HNRNPR: variants seen among roughly 807,000 people sequenced by gnomAD.
HNRNPR encodes heterogeneous nuclear ribonucleoprotein R.
HNRNPR carries 4 observed loss-of-function variants against 70.3 expected under a neutral mutation model. The observed-to-expected ratio is 0.06, with a 90% CI of 0.03 to 0.13. The LOEUF (loss-of-function observed/expected upper bound fraction) is 0.13, where lower values mean the gene tolerates loss of function less well. Among genes scored for constraint, HNRNPR ranks in the 10% least tolerant of loss-of-function variants. The probability of loss-of-function intolerance (pLI) is 1.00; values close to 1 mark genes in which losing one functional copy is unlikely to be tolerated. For missense variants in HNRNPR, 423 were observed against 788.5 expected (o/e 0.54, Z 5.55); for synonymous variants, 241 against 267.6 (o/e 0.90, Z 0.97).
At chr1:23,326,674 A>C (rs745661737) in intron 5 of HNRNPR, among the ~76,000 whole-genome samples, 1 of 152,112 alleles carries the variant, frequency 6.6e-6, no homozygotes, top group Non-Finnish European at 1.5e-5. Context: ...AATTCCAGCC[A>C]CTCGGGAGGC....
At chr1:23,342,385 AT>A (rs1311302386) in intron 1 of HNRNPR, among the ~76,000 whole-genome samples, 1 of 152,234 alleles carries the variant, frequency 6.6e-6, no homozygotes, top group Non-Finnish European at 1.5e-5. Flanking sequence ...TGAAAATGAG[AT>A]AAACATGACT....
At chr1:23,342,623 A>G (rs1174957360) in intron 1 of HNRNPR, among the ~76,000 whole-genome samples, 1 of 152,170 alleles carries the variant, frequency 6.6e-6, no homozygotes, top group Non-Finnish European at 1.5e-5. Context: ...CTAAAACACA[A>G]AATCTCCTTG....
At chr1:23,324,264 T>G (rs1308174448) in intron 5 of HNRNPR, among the ~76,000 whole-genome samples, 3 of 152,086 alleles carry the variant, frequency 2.0e-5, no homozygotes, top group Non-Finnish European at 4.4e-5. Context: ...CTCTAAAATC[T>G]TTACTACTTA....
intron 1 of HNRNPR, among the ~76,000 whole-genome samples, chr1:23,341,370 C>T (rs1646698710): frequency 6.6e-6 from 1 of 152,144 alleles, no homozygotes; most frequent in African/African-American, 2.4e-5. Flanking sequence ...CCTCAGCTCT[C>T]GGGTCTTACA....
chr1:23,323,882 C>T lies in HNRNPR; in HGVS notation c.499-150G>A. ...TGAAACTTACAGTTGACTTGCAGAG[C>T]TAATCCTAATTTTTATTATAATGAC... On this transcript the variant is annotated intron_variant, in intron 5 of 10. Coordinates refer to ENST00000302271, the MANE Select transcript of HNRNPR (RefSeq NM_005826.5). 7.6e-6 allele frequency: 5 copies of T among 658,726 alleles called. No individual in the cohort carries two copies. In the South Asian group the frequency reaches 9.4e-5, roughly 12 times the overall value. 40.8% of individuals were successfully genotyped at this position (658,726 alleles called of 1,614,324 possible).
Position 23,310,625 on chromosome 1 carries a change from C to G in HNRNPR, c.1731G>C (p.Gly577=), listed in dbSNP as rs1406680597. The G allele has an allele frequency of 1.2e-6, 2 of 1,614,126 alleles. No homozygotes were observed. The highest frequency in any genetic ancestry group is 4.5e-5 in the East Asian group (2 of 44,878). ...GNVGGKRKAD[G]YNQPDSKRRQ... is the part of the protein sequence containing the mutation. Reference sequence around the variant, plus strand: ...GACGCTTGGAATCAGGCTGGTTGTACCCATCTGCCTTTCTCTTGCCTCCTA... The same window carrying G: ...GACGCTTGGAATCAGGCTGGTTGTAGCCATCTGCCTTTCTCTTGCCTCCTA... Residue 577 remains glycine, a synonymous_variant, in exon 11 of 11, where the codon GGG becomes GGC. Transcript: ENST00000302271. This position sits in a 1 kb window ranked among gnomAD's most constrained non-coding sequence, Gnocchi z 6.0.
chr1:23,341,501 G>A (rs946416830), intron 1 of HNRNPR, among the ~76,000 whole-genome samples: 3 of 151,932 alleles, frequency 2.0e-5, no homozygotes, highest in Non-Finnish European at 1.5e-5. Flanking sequence ...TGAAATAAGT[G>A]CCCTGTTTTC....
chr1:23,319,972 C>T (rs746531550), intron 7 of HNRNPR, among the ~76,000 whole-genome samples: 2 of 152,210 alleles, frequency 1.3e-5, no homozygotes, highest in Non-Finnish European at 2.9e-5. Flanking sequence ...AGTAGCTATT[C>T]TCTAGCTAAA....
intron 8 of HNRNPR, among the ~76,000 whole-genome samples, chr1:23,316,186 T>A (rs1409397333): frequency 1.3e-5 from 2 of 152,170 alleles, no homozygotes; most frequent in East Asian, 3.9e-4. Flanking sequence ...CTGGATGGGG[T>A]TGCAAGCACC....
chr1:23,340,657 C>T (rs976044694), intron 2 of HNRNPR, among the ~76,000 whole-genome samples, 195 bp downstream of exon 2: 6 of 152,150 alleles, frequency 3.9e-5, no homozygotes, highest in African/African-American at 1.4e-4. Flanking sequence ...ATATTCAACA[C>T]TAAGAAGGCT....
chr1:23,323,663 G>C lies in HNRNPR; in HGVS notation c.568C>G (p.Pro190Ala). 1 of 1,613,988 alleles carries C rather than the reference G, an allele frequency of 6.2e-7. No individual in the cohort carries two copies. The highest frequency in any genetic ancestry group is 8.5e-7 in the Non-Finnish European group (1 of 1,179,906). The change falls in exon 6 of 11, where the codon CCC (proline) becomes GCC (alanine). Residue 190 changes from proline to alanine, a missense_variant. Physicochemically the swap from Pro to Ala is conservative, Grantham distance 27 (BLOSUM62 -1). This residue lies in a region of HNRNPR where 118 missense variants were observed against 239.3 expected (regional missense o/e 0.49). Coordinates refer to ENST00000302271, the MANE Select transcript of HNRNPR (RefSeq NM_005826.5). ...ATCATAAGACGTAGATCCCAAATGG[G>C]TCCGGCCTTCTCAAAAAGGGGCACC... ...ELVPLFEKAG[P>A]IWDLRLMMDP...
rs1408196308 is a variant in HNRNPR at position 23,311,000 on chromosome 1, A to C, written c.1356T>G (p.Gly452=). ...MPPPIRGRGR[G]GGRGGYGYPP... ...GGTAGCCATATCCACCTCTCCCCCC[A>C]CCACGACCCCGACCTCTAATTGGAG... Residue 452 remains glycine, a synonymous_variant, in exon 11 of 11, where the codon GGT becomes GGG. Coordinates refer to ENST00000302271, the MANE Select transcript of HNRNPR (RefSeq NM_005826.5). The surrounding 1 kb of genome is among the most constrained non-coding windows in gnomAD (Gnocchi z 6.0). The C allele has an allele frequency of 1.9e-6, 3 of 1,613,800 alleles. No homozygotes were observed. The highest frequency in any genetic ancestry group is 1.7e-6 in the Non-Finnish European group (2 of 1,179,974).
At position 23,318,782 on chromosome 1, in the gene HNRNPR, A is replaced by G. The variant is rs111708969; in HGVS notation, c.812-94T>C. 2,300 of 1,154,804 alleles carry G rather than the reference A, an allele frequency of 2.0e-3. 29 individuals carry two copies. In the African/African-American group the frequency reaches 0.031, roughly 16 times the overall value. 71.5% of individuals were successfully genotyped at this position (1,154,804 alleles called of 1,614,324 possible). A position where few individuals can be genotyped will look rare whatever the true frequency, so the allele number is the denominator to read the frequency against. On this transcript the variant is annotated intron_variant, in intron 7 of 10. Transcript: ENST00000302271. The surrounding 1 kb of genome is among the most constrained non-coding windows in gnomAD (Gnocchi z 4.2). The stretch of plus-strand genomic sequence containing the variant: ...AAATCCACTTGACGATGAGCAAAAT[A>G]TAAGTGAAGCAGCCTCAACATGAGT...
At chr1:23,325,793 C>A (rs986590797) in intron 5 of HNRNPR, among the ~76,000 whole-genome samples, 28 of 152,156 alleles carry the variant, frequency 1.8e-4, no homozygotes, top group Non-Finnish European at 3.7e-4. Flanking sequence ...TCCAAACAAT[C>A]CAAAAACAAA....
intron 4 of HNRNPR, among the ~76,000 whole-genome samples, chr1:23,336,489 G>A (rs964702213): frequency 4.1e-5 from 6 of 147,830 alleles, no homozygotes; most frequent in Non-Finnish European, 7.4e-5. Flanking sequence ...GGAGAATGGC[G>A]TGAACCCAGG....
Position 23,307,618 on chromosome 1 carries a change from C to CT in HNRNPR, c.*2835dup, listed in dbSNP as rs941900507. 6 of 152,016 alleles carry CT rather than the reference C, an allele frequency of 3.9e-5. No homozygotes were observed. Among genetic ancestry groups the CT allele is most frequent in the Admixed American group, 3.9e-4 (6 of 15,256 alleles). The allele number at this position is 152,016 out of a possible 1,614,324, so 9.4% of individuals were successfully genotyped here. A position where few individuals can be genotyped will look rare whatever the true frequency, so the allele number is the denominator to read the frequency against. On this transcript the variant is annotated 3_prime_UTR_variant, in exon 11 of 11. Coordinates refer to ENST00000302271, the MANE Select transcript of HNRNPR (RefSeq NM_005826.5). ...TTAGAAATCTGGCAACTTATTAGAA[C>CT]TTTTTTGCTCTTAAAAATTAAAATA...
At position 23,306,273 on chromosome 1, in the gene HNRNPR, T is replaced by A. The variant is rs1422358749; in HGVS notation, c.*4181A>T. 1 of 152,092 alleles carries A rather than the reference T, an allele frequency of 6.6e-6. No homozygotes were observed. The highest frequency in any genetic ancestry group is 1.5e-5 in the Non-Finnish European group (1 of 68,016). 9.4% of individuals were successfully genotyped at this position (152,092 alleles called of 1,614,324 possible). On this transcript the variant is annotated 3_prime_UTR_variant, in exon 11 of 11. Transcript: ENST00000302271. ...GTGAAGTGTTATTATATGTTCCTAT[T>A]AAGAACAAAATAATTTAATATTAAA... is the stretch of plus-strand genomic sequence containing the variant.
At chr1:23,324,619 C>T (rs1330580101) in intron 5 of HNRNPR, among the ~76,000 whole-genome samples, 1 of 151,866 alleles carries the variant, frequency 6.6e-6, no homozygotes, top group African/African-American at 2.4e-5. Flanking sequence ...TTCAGAAACT[C>T]CAGTGCTTCA....
rs1433002376 is a variant in HNRNPR at position 23,340,856 on chromosome 1, C to G, written c.153G>C (p.Gln51His). 1 of 1,610,664 alleles carries G rather than the reference C, an allele frequency of 6.2e-7. No individual in the cohort carries two copies. The highest frequency in any genetic ancestry group is 8.5e-7 in the Non-Finnish European group (1 of 1,178,688). Residue 51 changes from glutamine to histidine, a missense_variant, in exon 2 of 11, where the codon CAG (glutamine) becomes CAC (histidine). Gln to His is a conservative substitution (Grantham distance 24). This residue lies in a region of HNRNPR where 44 missense variants were observed against 89.0 expected (regional missense o/e 0.49). Coordinates refer to ENST00000302271, the MANE Select transcript of HNRNPR (RefSeq NM_005826.5). ...AACAAGAAATGCATATTATACCTGT[C>G]TGAAATATTTCATCAAGTCTTTCTG... ...KVAERLDEIF[Q>H]TGLVAYVDLD...
Sources: gnomAD v4.1 joint callset for allele counts (sites outside exome capture counted in the v4.1 genomes callset) on GRCh38, gnomAD v4.1.1 for gene constraint, gnomAD v4.1.1 regional missense constraint, Gnocchi (gnomAD v3.1) non-coding constraint, MANE v1.5 for transcripts, NCBI Gene and HGNC (gene_info 2026-07-23, HGNC 2026-07-21) for gene names.